Variants in ADARB2 observed in about 807,000 individuals in gnomAD.
ADARB2 encodes the protein adenosine deaminase RNA specific B2 (inactive), also known as inactive double-stranded RNA-specific editase B2.
ADARB2 carries 25 observed loss-of-function variants against 62.2 expected under a neutral mutation model. The observed-to-expected ratio is 0.40, with a 90% CI of 0.29 to 0.56. The LOEUF (loss-of-function observed/expected upper bound fraction) is 0.56. Ranked by LOEUF, ADARB2 falls within the 20% of genes least tolerant of loss-of-function variation. The pLI is 0.43. For synonymous variants in ADARB2, 572 were observed against 500.8 expected, an observed-to-expected ratio of 1.14 and a Z score of -1.90; for missense variants, 1,071 against 1,077.4, an observed-to-expected ratio of 0.99 and a Z score of 0.08.
chr10:1,520,347 CA>C (rs1337517989), intron 1 of ADARB2, among the ~76,000 whole-genome samples: 1 of 152,170 alleles, frequency 6.6e-6, no homozygotes, highest in Non-Finnish European at 1.5e-5. Flanking sequence ...GGACACAAAT[CA>C]AAATTGAAGA....
chr10:1,683,179 G>A (rs867609674), intron 1 of ADARB2, among the ~76,000 whole-genome samples: 3 of 152,154 alleles, frequency 2.0e-5, no homozygotes, highest in Non-Finnish European at 4.4e-5. Flanking sequence ...AACAAATAGC[G>A]CTAGCATTCC....
At chr10:1,526,483 T>C (rs1003790981) in intron 1 of ADARB2, among the ~76,000 whole-genome samples, 16 of 152,160 alleles carry the variant, frequency 1.1e-4, no homozygotes, top group African/African-American at 3.6e-4. Flanking sequence ...ATCTTGGTGC[T>C]GTCCTCCTGG....
At chr10:1,219,098 A>C (rs1830659305) in intron 6 of ADARB2, among the ~76,000 whole-genome samples, 1 of 148,548 alleles carries the variant, frequency 6.7e-6, no homozygotes, top group Non-Finnish European at 1.5e-5. Flanking sequence ...CCGCCCTCTC[A>C]CTCCTGCTCT....
chr10:1,443,542 C>T (rs1041624209), intron 1 of ADARB2, among the ~76,000 whole-genome samples: 6 of 152,242 alleles, frequency 3.9e-5, no homozygotes, highest in South Asian at 2.1e-4. Context: ...TTGAAGGAAT[C>T]GCCTCTGTGT....
intron 1 of ADARB2, among the ~76,000 whole-genome samples, chr10:1,543,546 T>C (rs1257167921): frequency 6.6e-6 from 1 of 152,204 alleles, no homozygotes; most frequent in Admixed American, 6.5e-5. Context: ...CATTGCCGCA[T>C]TTATTCGGGC....
At chr10:1,465,861 T>TATTTA (rs1046923207) in intron 1 of ADARB2, among the ~76,000 whole-genome samples, 4 of 152,210 alleles carry the variant, frequency 2.6e-5, no homozygotes, top group African/African-American at 9.6e-5. Context: ...TCACTCTCCA[T>TATTTA]CAGCCGCGCT....
At chr10:1,361,622 G>A (rs1346553192) in intron 3 of ADARB2, 2 of 152,202 alleles carry the variant, frequency 1.3e-5, no homozygotes, top group Admixed American at 6.5e-5. Context: ...GTTGACAAGT[G>A]AATAGTGAGC....
chr10:1,455,706 T>C lies in ADARB2; in HGVS notation c.101-76546A>G, dbSNP rs1478512884. On this transcript the variant is annotated intron_variant, in intron 1 of 9. Transcript: ENST00000381312. The stretch of plus-strand genomic sequence containing the variant: ...TTTGAGGGAACTGAGCCATTTACGA[T>C]TGTCAATTTCCAAATTTCTTCATGG... Among the ~76,000 whole-genome samples, 5 of 152,194 alleles carry C rather than the reference T, an allele frequency of 3.3e-5. No homozygotes were observed. The East Asian group carries it at 7.7e-4, about 23-fold the overall frequency.
chr10:1,734,128 A>G (rs574691997), intron 1 of ADARB2, among the ~76,000 whole-genome samples: 23 of 152,270 alleles, frequency 1.5e-4, no homozygotes, highest in African/African-American at 4.8e-4. Flanking sequence ...CTGCTGAAAA[A>G]TAACACAGAA....
chr10:1,226,990 G>A (rs1443840918), intron 6 of ADARB2, among the ~76,000 whole-genome samples: 1 of 152,250 alleles, frequency 6.6e-6, no homozygotes, highest in African/African-American at 2.4e-5. Flanking sequence ...TCTGTTCCCT[G>A]CCCCCAGAGG....
chr10:1,577,944 G>C (rs1223411563), intron 1 of ADARB2, among the ~76,000 whole-genome samples: 1 of 152,208 alleles, frequency 6.6e-6, no homozygotes, highest in East Asian at 1.9e-4. Flanking sequence ...AGGACACAGG[G>C]AGAAGACAGT....
intron 1 of ADARB2, among the ~76,000 whole-genome samples, chr10:1,456,363 CGGCTCCTGGA>C (rs1177880657): frequency 2.0e-5 from 3 of 152,172 alleles, no homozygotes; most frequent in Admixed American, 6.5e-5. Flanking sequence ...ACACCAGCAA[CGGCTCCTGGA>C]GGCTCCTGCC....
At chr10:1,195,389 G>GTT (rs377144803) in intron 8 of ADARB2, among the ~76,000 whole-genome samples, 3,721 of 103,578 alleles carry the variant, frequency 0.036, 187 homozygotes, top group Non-Finnish European at 0.045. Context: ...GCTGTACACA[G>GTT]TTTTTTTTTT....
At chr10:1,474,267 C>T (rs1253804120) in intron 1 of ADARB2, among the ~76,000 whole-genome samples, 5 of 152,316 alleles carry the variant, frequency 3.3e-5, no homozygotes, top group South Asian at 4.1e-4. Context: ...CCAGGGAAAT[C>T]GAGGGTAAAA....
intron 1 of ADARB2, among the ~76,000 whole-genome samples, chr10:1,455,481 GAAGATTAAA>G (rs1404818755): frequency 6.6e-6 from 1 of 152,068 alleles, no homozygotes; most frequent in Admixed American, 6.6e-5. Context: ...AGAGAAAACA[GAAGATTAAA>G]AAGATTAAAA....
chr10:1,664,273 T>C (rs575549556), intron 1 of ADARB2, among the ~76,000 whole-genome samples: 1 of 152,056 alleles, frequency 6.6e-6, no homozygotes, highest in South Asian at 2.1e-4. Flanking sequence ...TGCTGGTCAG[T>C]GTGTGGGTTT....
chr10:1,276,537 C>G (rs1023914725), intron 3 of ADARB2, among the ~76,000 whole-genome samples: 1 of 152,054 alleles, frequency 6.6e-6, no homozygotes, highest in South Asian at 2.1e-4. Context: ...TCAATTTTGG[C>G]TTTCGTTGCT....
At chr10:1,593,035 A>C (rs1833282050) in intron 1 of ADARB2, among the ~76,000 whole-genome samples, 2 of 86,704 alleles carry the variant, frequency 2.3e-5, no homozygotes, top group Non-Finnish European at 4.5e-5. Context: ...CACCCTCCAT[A>C]GGTCTCCTCT....
chr10:1,730,454 G>A (rs79833147), intron 1 of ADARB2, among the ~76,000 whole-genome samples: 20 of 152,144 alleles, frequency 1.3e-4, no homozygotes, highest in Non-Finnish European at 5.9e-5. Context: ...TGAATTAGCT[G>A]TTTAGTTACA....
Sources: gnomAD v4.1 joint callset for allele counts (sites outside exome capture counted in the v4.1 genomes callset) on GRCh38, gnomAD v4.1.1 for gene constraint, MANE v1.5 for transcripts, NCBI Gene and HGNC (gene_info 2026-07-23, HGNC 2026-07-21) for gene names.